The following ENOX2 variants were observed in gnomAD, a reference collection of about 807,000 sequenced individuals.
The protein encoded by ENOX2 is APK1 antigen.
ENOX2 carries 36 observed loss-of-function variants against 45.0 expected under a neutral mutation model. The ratio of observed to expected loss-of-function variants is 0.80; its 90% CI spans 0.61 to 1.06. The LOEUF (loss-of-function observed/expected upper bound fraction) is 1.06, where lower values mean the gene tolerates loss of function less well. Ranked by LOEUF, ENOX2 falls within the 50% of genes least tolerant of loss-of-function variation. ENOX2 has a pLI of 0.00. For missense variants in ENOX2, 423 were observed against 462.5 expected (o/e 0.91, Z 0.78); for synonymous variants, 174 against 152.3 (o/e 1.14, Z -1.05).
At chrX:130,835,953 C>T (rs752454168) in intron 2 of ENOX2, among the ~76,000 whole-genome samples, 1 of 112,680 alleles carries the variant, frequency 8.9e-6, no homozygotes, top group South Asian at 3.6e-4. Context: ...AAAGGAGAAA[C>T]TTCCTGTGAT....
At chrX:130,797,490 C>T (rs1018596847) in intron 2 of ENOX2, among the ~76,000 whole-genome samples, 4 of 110,576 alleles carry the variant, frequency 3.6e-5, no homozygotes, top group African/African-American at 1.3e-4. Context: ...TTAGACCCTC[C>T]CGCCCCGCCC....
At chrX:130,892,847 CTAA>C (rs1343318937) in intron 2 of ENOX2, among the ~76,000 whole-genome samples, 2 of 112,403 alleles carry the variant, frequency 1.8e-5, no homozygotes, top group African/African-American at 6.5e-5. Context: ...TAAAACTGTA[CTAA>C]TGTCTGCCAC....
At chrX:130,642,257 G>A (rs1042034939) in intron 10 of ENOX2, among the ~76,000 whole-genome samples, 2 of 111,772 alleles carry the variant, frequency 1.8e-5, no homozygotes, top group African/African-American at 6.5e-5. Flanking sequence ...CTTCAGTGGA[G>A]GAAGTAATGG....
chrX:130,818,413 T>A (rs1032296091), intron 2 of ENOX2, among the ~76,000 whole-genome samples: 3 of 111,693 alleles, frequency 2.7e-5, no homozygotes, highest in African/African-American at 9.8e-5. Context: ...AAATTTCATA[T>A]GGAACAAAAA....
intron 2 of ENOX2, among the ~76,000 whole-genome samples, chrX:130,860,484 C>A (rs1411973151): frequency 9.0e-6 from 1 of 111,581 alleles, no homozygotes; most frequent in East Asian, 2.8e-4. Flanking sequence ...ACCATCAAGT[C>A]TAAAACTGAA....
intron 3 of ENOX2, among the ~76,000 whole-genome samples, chrX:130,726,157 A>G (rs2038600076): frequency 8.9e-6 from 1 of 112,490 alleles, no homozygotes. Flanking sequence ...GTTACATAGT[A>G]GCTCAGAGGC....
chrX:130,625,149 G>C lies in ENOX2; in HGVS notation c.*165C>G. 1.9e-6 allele frequency: 1 copy of C among 525,237 alleles called. No homozygotes were observed. The highest frequency in any genetic ancestry group is 3.0e-6 in the Non-Finnish European group (1 of 337,239). The allele number at this position is 525,237 out of a possible 1,213,427, so 43.3% of individuals were successfully genotyped here. A position where few individuals can be genotyped will look rare whatever the true frequency, so the allele number is the denominator to read the frequency against. Reference sequence around the variant, plus strand: ...AATTTCTCTTTAGGGCCTGTAGTTCGAGGTGCTGTCCTAGGATCCTTATTT... The same window carrying C: ...AATTTCTCTTTAGGGCCTGTAGTTCCAGGTGCTGTCCTAGGATCCTTATTT... On this transcript the variant is annotated 3_prime_UTR_variant, in exon 15 of 15. Transcript: ENST00000394363.
chrX:130,777,330 C>T (rs1301950501), intron 3 of ENOX2, among the ~76,000 whole-genome samples: 1 of 109,220 alleles, frequency 9.2e-6, no homozygotes. Flanking sequence ...GAAACCCTGT[C>T]TCTATTAAAA....
chrX:130,812,564 T>A (rs979750767), intron 2 of ENOX2, among the ~76,000 whole-genome samples: 1 of 111,654 alleles, frequency 9.0e-6, no homozygotes, highest in East Asian at 2.8e-4. Context: ...GAATAACGGA[T>A]CTGCAAAACA....
At chrX:130,694,600 CTTTTTTT>C (rs1176052103) in intron 4 of ENOX2, among the ~76,000 whole-genome samples, 2 of 86,197 alleles carry the variant, frequency 2.3e-5, no homozygotes, top group Non-Finnish European at 4.6e-5. Flanking sequence ...CTTTTCTTTT[CTTTTTTT>C]TTTTTTTTTT....
intron 3 of ENOX2, among the ~76,000 whole-genome samples, chrX:130,761,410 C>T (rs1261875403): frequency 9.0e-6 from 1 of 111,451 alleles, no homozygotes; most frequent in African/African-American, 3.3e-5. Context: ...TTATATTTCT[C>T]GAGGAAGTGG....
At chrX:130,884,856 T>C (rs1362224622) in intron 2 of ENOX2, among the ~76,000 whole-genome samples, 1 of 111,622 alleles carries the variant, frequency 9.0e-6, no homozygotes, top group East Asian at 2.8e-4. Flanking sequence ...CAAAAACATA[T>C]AGCACTTCAC....
At chrX:130,877,385 T>C (rs1338180699) in intron 2 of ENOX2, among the ~76,000 whole-genome samples, 1 of 112,238 alleles carries the variant, frequency 8.9e-6, no homozygotes, top group Non-Finnish European at 1.9e-5. Flanking sequence ...TAATAGTTAA[T>C]GAATACAAAT....
At chrX:130,700,110 T>C (rs1190637937) in intron 4 of ENOX2, among the ~76,000 whole-genome samples, 2 of 112,193 alleles carry the variant, frequency 1.8e-5, no homozygotes, top group African/African-American at 6.5e-5. Context: ...GTCACACAAC[T>C]AGTTAATGAC....
chrX:130,897,949 G>C lies in ENOX2; in HGVS notation c.-183+3735C>G, dbSNP rs1011083065. 6.2e-5 allele frequency among the ~76,000 whole-genome samples: 7 copies of C among 112,036 alleles called. No individual in the cohort carries two copies. In the Admixed American group the frequency reaches 6.6e-4, roughly 11 times the overall value. On this transcript the variant is annotated intron_variant, in intron 2 of 14. Coordinates refer to ENST00000394363, the MANE Select transcript of ENOX2 (RefSeq NM_006375.4). ...GGCTAGAAGTGATGCATGTGTGTTGGGGGGTGGAAGGTATGCCCCAAAGTA... is the reference window on the plus strand; with the variant it reads ...GGCTAGAAGTGATGCATGTGTGTTGCGGGGTGGAAGGTATGCCCCAAAGTA...
At chrX:130,696,689 CT>C (rs1356051515) in intron 4 of ENOX2, among the ~76,000 whole-genome samples, 1 of 111,641 alleles carries the variant, frequency 9.0e-6, no homozygotes, top group East Asian at 2.8e-4. Context: ...AACCATTTCA[CT>C]TAGTGTGCTC....
chrX:130,716,938 T>G (rs1252069574), intron 3 of ENOX2, among the ~76,000 whole-genome samples: 7 of 111,557 alleles, frequency 6.3e-5, no homozygotes, highest in Admixed American at 3.8e-4. Flanking sequence ...ATTTGTGTGG[T>G]GTGTGTGTGT....
intron 5 of ENOX2, among the ~76,000 whole-genome samples, chrX:130,682,454 C>T (rs1262610543): frequency 1.9e-5 from 2 of 107,848 alleles, no homozygotes; most frequent in Admixed American, 9.9e-5. Context: ...CATGGTGGCA[C>T]GTGCCTGTAA....
At chrX:130,646,355 G>A (rs1174446941) in intron 10 of ENOX2, 3 of 241,019 alleles carry the variant, frequency 1.2e-5, no homozygotes, top group South Asian at 6.2e-5. Flanking sequence ...ACTCCAGCCT[G>A]GGTGAGGAGG....
Sources: allele counts gnomAD v4.1 joint callset (sites outside exome capture counted in the v4.1 genomes callset), GRCh38; gene constraint gnomAD v4.1.1; transcripts MANE v1.5; gene names NCBI Gene and HGNC (gene_info 2026-07-23, HGNC 2026-07-21).